ANKIB1: variants seen among roughly 807,000 people sequenced by gnomAD.
The protein encoded by ANKIB1 is ankyrin repeat and IBR domain containing 1, also known as ankyrin repeat and IBR domain-containing protein 1.
Under a neutral mutation model 122.1 loss-of-function variants are expected in ANKIB1, and 43 were observed. The observed-to-expected ratio is 0.35, with a 90% CI of 0.28 to 0.45. ANKIB1 has a LOEUF of 0.45. Ranked by LOEUF, ANKIB1 falls within the 20% of genes least tolerant of loss-of-function variation. The pLI, the probability that ANKIB1 is intolerant of heterozygous loss-of-function variation, is 1.00. For missense variants in ANKIB1, 992 were observed against 1,329.5 expected (o/e 0.75, Z 3.95); for synonymous variants, 390 against 442.0 (o/e 0.88, Z 1.48).
rs1431430414 is a variant in ANKIB1, at chr7:92,398,479, A to G, written c.2800A>G (p.Thr934Ala). 4.3e-6 allele frequency: 7 copies of G among 1,613,812 alleles called. No individual in the cohort carries two copies. The highest frequency in any genetic ancestry group is 2.2e-5 in the East Asian group (1 of 44,878). The change falls in exon 20 of 20, where the codon ACT becomes GCT. Residue 934 changes from threonine to alanine, a missense_variant. Thr to Ala is a moderately conservative substitution (Grantham distance 58). Transcript: ENST00000265742. ...RLGAENDPFS[T>A]DTLSSHPLSE... Reference sequence around the variant, plus strand: ...AGGAGCAGAGAATGACCCATTTTCAACTGACACCCTGAGCTCACACCCTCT... The same window carrying G: ...AGGAGCAGAGAATGACCCATTTTCAGCTGACACCCTGAGCTCACACCCTCT...
chr7:92,322,855 A>G (rs994536364), intron 4 of ANKIB1, among the ~76,000 whole-genome samples: 9 of 152,202 alleles, frequency 5.9e-5, no homozygotes, highest in African/African-American at 2.2e-4. Flanking sequence ...TACAGATTCT[A>G]GAGCCAGACT....
At chr7:92,396,523 T>C (rs1478626252) in intron 18 of ANKIB1, 47 bp downstream of exon 18, 2 of 929,480 alleles carry the variant, frequency 2.2e-6, no homozygotes, top group South Asian at 1.5e-5. Flanking sequence ...CTCCCCTGAA[T>C]TTATCCTTCA....
At chr7:92,265,847 C>G (rs192766399) in intron 1 of ANKIB1, among the ~76,000 whole-genome samples, 1 of 152,220 alleles carries the variant, frequency 6.6e-6, no homozygotes, top group African/African-American at 2.4e-5. Context: ...ATGGAGGTAA[C>G]CAGTTATATC....
chr7:92,291,567 CT>C (rs1188174295), intron 1 of ANKIB1, among the ~76,000 whole-genome samples: 1,234 of 116,490 alleles, frequency 0.011, 4 homozygotes, highest in Middle Eastern at 0.019. Flanking sequence ...TTTTCTTTTT[CT>C]TTTTTTTTTT....
chr7:92,334,337 A>C lies in ANKIB1; in HGVS notation c.787+6437A>C, dbSNP rs367554098. 3.2e-4 allele frequency among the ~76,000 whole-genome samples: 48 copies of C among 152,206 alleles called. 1 individual carries two copies. The highest frequency in any genetic ancestry group is 9.9e-4 in the African/African-American group (41 of 41,562). On this transcript the variant is annotated intron_variant, in intron 5 of 19. Transcript: ENST00000265742. The stretch of plus-strand genomic sequence containing the variant: ...TAACATCTGGAATTTGAATTCAAGA[A>C]TTCCTGATTCCAAGGGATAATCTTT...
chr7:92,380,117 C>A (rs1187326972), intron 11 of ANKIB1, among the ~76,000 whole-genome samples: 2 of 152,204 alleles, frequency 1.3e-5, no homozygotes, highest in Admixed American at 1.3e-4. Context: ...CTCAGCAGGT[C>A]CCACACCCAC....
intron 1 of ANKIB1, among the ~76,000 whole-genome samples, chr7:92,259,236 G>C (rs1461870068): frequency 1.3e-5 from 2 of 152,152 alleles, no homozygotes; most frequent in South Asian, 2.1e-4. Flanking sequence ...GATTACAGGC[G>C]TGAGCCACTG....
intron 2 of ANKIB1, among the ~76,000 whole-genome samples, chr7:92,304,022 T>C (rs1802505583): frequency 6.6e-6 from 1 of 152,056 alleles, no homozygotes; most frequent in Non-Finnish European, 1.5e-5. Context: ...CACCTTCCTG[T>C]TAATTATCTC....
chr7:92,361,300 A>G (rs1267994617), intron 9 of ANKIB1, among the ~76,000 whole-genome samples: 1 of 152,232 alleles, frequency 6.6e-6, no homozygotes, highest in African/African-American at 2.4e-5. Context: ...ATTTAAATCA[A>G]AATTTCCCAA....
chr7:92,398,292 C>T lies in ANKIB1; in HGVS notation c.2613C>T (p.Leu871=), dbSNP rs369040692. The T allele has an allele frequency of 6.2e-6, 10 of 1,613,556 alleles. No individual in the cohort carries two copies. The highest frequency in any genetic ancestry group is 1.3e-5 in the African/African-American group (1 of 74,886). ...QLSLQESGLA[L]DEETRDFLSN... ...CACTGCAAGAGTCTGGGCTGGCCCT[C>T]GATGAAGAAACTAGAGACTTCCTCA... The change falls in exon 20 of 20, where the codon CTC becomes CTT. Residue 871 remains leucine, a synonymous_variant. Coordinates refer to ENST00000265742, the MANE Select transcript of ANKIB1 (RefSeq NM_019004.2).
intron 1 of ANKIB1, among the ~76,000 whole-genome samples, chr7:92,289,142 A>G (rs1030934487): frequency 2.0e-5 from 3 of 152,244 alleles, no homozygotes; most frequent in Admixed American, 6.5e-5. Flanking sequence ...TGATTAAACA[A>G]GTAGTGGTAT....
At position 92,351,823 on chromosome 7, in the gene ANKIB1, C is replaced by A. The variant is rs570453332; in HGVS notation, c.1231-653C>A. Among the ~76,000 whole-genome samples the A allele has an allele frequency of 2.1e-3, 321 of 150,446 alleles. 4 individuals carry two copies. The highest frequency in any genetic ancestry group is 7.3e-3 in the African/African-American group (299 of 40,882). ...GCAACCTCTGCGTCCAAGGTTCAAGCCTTTCTTGTGCCTCAGCCTTAAGAG... is the reference window on the plus strand; with the variant it reads ...GCAACCTCTGCGTCCAAGGTTCAAGACTTTCTTGTGCCTCAGCCTTAAGAG... On this transcript the variant is annotated intron_variant, in intron 8 of 19. Coordinates refer to ENST00000265742, the MANE Select transcript of ANKIB1 (RefSeq NM_019004.2).
chr7:92,254,999 G>A (rs1298907752), intron 1 of ANKIB1, among the ~76,000 whole-genome samples: 6 of 152,156 alleles, frequency 3.9e-5, no homozygotes, highest in Admixed American at 3.9e-4. Context: ...TTAAAAAGGG[G>A]AGTTTTCCTT....
intron 5 of ANKIB1, among the ~76,000 whole-genome samples, chr7:92,337,544 T>A (rs1275080637): frequency 6.6e-6 from 1 of 152,204 alleles, no homozygotes; most frequent in East Asian, 1.9e-4. Flanking sequence ...AAGGCATACT[T>A]GGGCTTGGGG....
At chr7:92,262,723 A>G (rs1024503146) in intron 1 of ANKIB1, among the ~76,000 whole-genome samples, 1 of 152,170 alleles carries the variant, frequency 6.6e-6, no homozygotes, top group Non-Finnish European at 1.5e-5. Flanking sequence ...ACTTTTCCAT[A>G]TAATTCCCAG....
intron 1 of ANKIB1, chr7:92,294,523 T>A: frequency 5.7e-6 from 1 of 175,474 alleles, no homozygotes; most frequent in Non-Finnish European, 1.2e-5. Context: ...CTGAGTAAGA[T>A]TTATACATAA....
chr7:92,359,883 G>A (rs1278404496), intron 9 of ANKIB1, among the ~76,000 whole-genome samples: 1 of 151,972 alleles, frequency 6.6e-6, no homozygotes, highest in Non-Finnish European at 1.5e-5. Context: ...TCAGCCTCCC[G>A]AGTAGCCATT....
chr7:92,366,090 A>G (rs1272043248), intron 10 of ANKIB1, among the ~76,000 whole-genome samples: 1 of 152,132 alleles, frequency 6.6e-6, no homozygotes, highest in Non-Finnish European at 1.5e-5. Context: ...CTTAAGTAGT[A>G]AATCTTGTGT....
At position 92,400,185 on chromosome 7, in the gene ANKIB1, G is replaced by C. The variant is rs1290005221; in HGVS notation, c.*1236G>C. The C allele has an allele frequency of 1.3e-5, 2 of 152,158 alleles. No individual in the cohort carries two copies. The highest frequency in any genetic ancestry group is 2.9e-5 in the Non-Finnish European group (2 of 68,034). 9.4% of individuals were successfully genotyped at this position (152,158 alleles called of 1,614,324 possible). A position where few individuals can be genotyped will look rare whatever the true frequency, so the allele number is the denominator to read the frequency against. On this transcript the variant is annotated 3_prime_UTR_variant, in exon 20 of 20. Coordinates refer to ENST00000265742, the MANE Select transcript of ANKIB1 (RefSeq NM_019004.2). ...AACTAAATGTTCAATCAGTTTGTTT[G>C]CCTAACTAGCAAATGCTGACATGTG...
Sources: allele counts gnomAD v4.1 joint callset (sites outside exome capture counted in the v4.1 genomes callset), GRCh38; gene constraint gnomAD v4.1.1; transcripts MANE v1.5; gene names NCBI Gene and HGNC (gene_info 2026-07-23, HGNC 2026-07-21).